The following ACOX3 variants were observed in gnomAD, a reference collection of about 807,000 sequenced individuals.
The protein encoded by ACOX3 is peroxisomal acyl-coenzyme A oxidase 3.
A neutral mutation model predicts 81.5 loss-of-function variants in ACOX3; 73 were observed. The ratio of observed to expected loss-of-function variants is 0.90; its 90% confidence interval spans 0.74 to 1.09. ACOX3 has a LOEUF of 1.09. Ranked by LOEUF, ACOX3 falls within the 50% of genes least tolerant of loss-of-function variation. The pLI, the probability that ACOX3 is intolerant of heterozygous loss-of-function variation, is 0.00. For missense variants in ACOX3, 947 were observed against 928.0 expected (o/e 1.02, Z -0.27); for synonymous variants, 387 against 375.1 (o/e 1.03, Z -0.37).
chr4:8,382,249 G>A lies in ACOX3; in HGVS notation c.1538-642C>T, dbSNP rs1717750878. ...CCGGGGTGGGGTGTCAGGCAGGACA[G>A]CTGGAGACCCCCCTTCGTCCTCCCC... On this transcript the variant is annotated intron_variant, in intron 13 of 17. Coordinates refer to ENST00000356406, the MANE Select transcript of ACOX3 (RefSeq NM_003501.3). This position sits in a 1 kb window ranked among gnomAD's most constrained non-coding sequence, Gnocchi z 4.1. 6.6e-6 allele frequency among the ~76,000 whole-genome samples: 1 copy of A among 152,218 alleles called. No homozygotes were observed. Among genetic ancestry groups the A allele is most frequent in the Non-Finnish European group, 1.5e-5 (1 of 68,022 alleles).
intron 14 of ACOX3, among the ~76,000 whole-genome samples, chr4:8,377,837 C>T (rs1717161448): frequency 6.6e-6 from 1 of 152,292 alleles, no homozygotes; most frequent in African/African-American, 2.4e-5. Context: ...AGGTGCAGTC[C>T]CTCCCCCACG....
intron 1 of ACOX3, among the ~76,000 whole-genome samples, chr4:8,434,713 G>A (rs543736254): frequency 7.9e-5 from 12 of 152,362 alleles, no homozygotes; most frequent in East Asian, 3.9e-4. Context: ...CACCCATGGC[G>A]TGCCTGTACC....
rs769087705 is a variant in ACOX3, at chr4:8,416,457, T to A, written c.65A>T (p.Asp22Val). ...LLPEFPRGPL[D>V]AYRARASFSW... Reference sequence around the variant, plus strand: ...GAAGGACGCTCTTGCTCGGTAGGCATCGAGGGGCCCCCTGGGGAATTCTGG... The same window carrying A: ...GAAGGACGCTCTTGCTCGGTAGGCAACGAGGGGCCCCCTGGGGAATTCTGG... Residue 22 changes from aspartate to valine, a missense_variant, in exon 2 of 18, where the codon GAT becomes GTT. Transcript: ENST00000356406. This position sits in a 1 kb window ranked among gnomAD's most constrained non-coding sequence, Gnocchi z 4.2. 3 of 1,614,126 alleles carry A rather than the reference T, an allele frequency of 1.9e-6. No individual in the cohort carries two copies. The African/African-American group carries it at 4.0e-5, about 22-fold the overall frequency.
intron 1 of ACOX3, among the ~76,000 whole-genome samples, chr4:8,435,304 T>A (rs762379618): frequency 3.3e-5 from 5 of 152,090 alleles, no homozygotes; most frequent in Admixed American, 1.3e-4. Context: ...TCCTGACTAA[T>A]AGGGTGAAAC....
At chr4:8,402,711 C>G (rs113032819) in intron 7 of ACOX3, among the ~76,000 whole-genome samples, 1 of 152,136 alleles carries the variant, frequency 6.6e-6, no homozygotes, top group African/African-American at 2.4e-5. Flanking sequence ...CAGCGGGAGA[C>G]GTGTGCGTGT....
Position 8,382,719 on chromosome 4 carries a change from G to A in ACOX3, c.1538-1112C>T, listed in dbSNP as rs957765214. ...AAGAAAATACCCAACGTTGCTGGGC[G>A]CAGTGGCTCACACCTGTAATCCCAG... On this transcript the variant is annotated intron_variant, in intron 13 of 17. Coordinates refer to ENST00000356406, the MANE Select transcript of ACOX3 (RefSeq NM_003501.3). The surrounding 1 kb of genome is among the most constrained non-coding windows in gnomAD (Gnocchi z 4.1). 2.0e-5 allele frequency among the ~76,000 whole-genome samples: 3 copies of A among 152,070 alleles called. No individual in the cohort carries two copies. Among genetic ancestry groups the A allele is most frequent in the African/African-American group, 7.2e-5 (3 of 41,412 alleles).
intron 11 of ACOX3, among the ~76,000 whole-genome samples, chr4:8,391,688 G>A (rs1719013539): frequency 6.6e-6 from 1 of 152,178 alleles, no homozygotes; most frequent in Non-Finnish European, 1.5e-5. Flanking sequence ...AACCTATGTT[G>A]TGGGTACACT....
chr4:8,358,677 A>G, the ACOX3 span, among the ~76,000 whole-genome samples: 2 of 152,326 alleles, frequency 1.3e-5, no homozygotes, highest in African/African-American at 2.4e-5. Flanking sequence ...TGGCCACAAG[A>G]GTGACCTCTG....
chr4:8,359,192 C>G, the ACOX3 span, among the ~76,000 whole-genome samples: 5 of 152,272 alleles, frequency 3.3e-5, no homozygotes, highest in East Asian at 9.7e-4. The surrounding 1 kb of genome is among the most constrained non-coding windows in gnomAD (Gnocchi z 6.0). Context: ...TCTGGTGAAT[C>G]ATGGAAGGGA....
At chr4:8,356,816 A>C in the ACOX3 span, 1 of 456,418 alleles carries the variant, frequency 2.2e-6, no homozygotes, top group Non-Finnish European at 4.4e-6. Context: ...GTGCATGCTA[A>C]GATGATCCCA....
chr4:8,372,004 C>G (rs1716276401), intron 16 of ACOX3, among the ~76,000 whole-genome samples: 1 of 152,266 alleles, frequency 6.6e-6, no homozygotes, highest in Admixed American at 6.5e-5. Flanking sequence ...CCTGGCTGAC[C>G]TTGGCCTCCC....
chr4:8,370,979 C>G lies in ACOX3; in HGVS notation c.1912G>C (p.Val638Leu). Residue 638 changes from valine to leucine, a missense_variant, in exon 17 of 18, where the codon GTT (valine) becomes CTT (leucine). Physicochemically the swap from Val to Leu is conservative, Grantham distance 32. Transcript: ENST00000356406. The surrounding 1 kb of genome is among the most constrained non-coding windows in gnomAD (Gnocchi z 6.3). Reference protein sequence around the residue: ...ALCSQLKDDAVALVDVIAPPD... With the variant: ...ALCSQLKDDALALVDVIAPPD... ...GGAGCGATCACGTCTACCAGGGCAA[C>G]TGCATCGTCTTTCAGCTGTTGGAAA... 2.5e-6 allele frequency: 4 copies of G among 1,614,114 alleles called. No individual in the cohort carries two copies. The highest frequency in any genetic ancestry group is 2.5e-6 in the Non-Finnish European group (3 of 1,180,018).
At position 8,389,135 on chromosome 4, in the gene ACOX3, A is replaced by G; in HGVS notation, c.1537+38T>C. On this transcript the variant is annotated intron_variant, in intron 13 of 17. Coordinates refer to ENST00000356406, the MANE Select transcript of ACOX3 (RefSeq NM_003501.3). This position sits in a 1 kb window ranked among gnomAD's most constrained non-coding sequence, Gnocchi z 5.3. Reference sequence around the variant, plus strand: ...CGTTTCCTGGTGGGAATGACAGGAAATCAGGAGGCCAGGGGAGCCCTCCAC... The same window carrying G: ...CGTTTCCTGGTGGGAATGACAGGAAGTCAGGAGGCCAGGGGAGCCCTCCAC... The G allele has an allele frequency of 6.4e-7, 1 of 1,563,062 alleles. No individual in the cohort carries two copies. The highest frequency in any genetic ancestry group is 8.8e-7 in the Non-Finnish European group (1 of 1,136,298).
At chr4:8,438,795 C>T (rs941078641) in intron 1 of ACOX3, 2 of 152,174 alleles carry the variant, frequency 1.3e-5, no homozygotes, top group Admixed American at 1.3e-4. Flanking sequence ...GTCTTAGATC[C>T]ATCACAGTCA....
At chr4:8,360,002 C>T in the ACOX3 span, among the ~76,000 whole-genome samples, 1 of 152,188 alleles carries the variant, frequency 6.6e-6, no homozygotes, top group Admixed American at 6.5e-5. Context: ...TTTAAGCCTG[C>T]TTTTCAAGAC....
In ACOX3 at chr4:8,405,814, G is replaced by T; in HGVS notation, c.776+141C>A. The T allele has an allele frequency of 1.2e-6, 1 of 843,622 alleles. No individual in the cohort carries two copies. The highest frequency in any genetic ancestry group is 2.0e-6 in the Non-Finnish European group (1 of 510,056). 52.3% of individuals were successfully genotyped at this position (843,622 alleles called of 1,614,324 possible). On this transcript the variant is annotated intron_variant, in intron 7 of 17. Transcript: ENST00000356406. The surrounding 1 kb of genome is among the most constrained non-coding windows in gnomAD (Gnocchi z 7.1). The stretch of plus-strand genomic sequence containing the variant: ...GGACGTGGCCAGTGCATGCACGGGG[G>T]CTAGGCGTAGGTCCCCACCGCATTT...
chr4:8,361,425 C>CAAAAAAAAAAAAAA (rs56251372), downstream of ACOX3, among the ~76,000 whole-genome samples: 22 of 39,026 alleles, frequency 5.6e-4, no homozygotes, highest in African/African-American at 1.1e-3. Flanking sequence ...GACTCTATCT[C>CAAAAAAAAAAAAAA]AAAAAAAAAA....
Position 8,414,287 on chromosome 4 carries a change from C to A in ACOX3, c.543+5G>T, listed in dbSNP as rs1404979653. The A allele has an allele frequency of 6.2e-7, 1 of 1,612,440 alleles. No homozygotes were observed. The highest frequency in any genetic ancestry group is 1.7e-5 in the Admixed American group (1 of 60,008). On this transcript the variant is annotated splice_donor_5th_base_variant and intron_variant, in intron 5 of 17. Transcript: ENST00000356406. The surrounding 1 kb of genome is among the most constrained non-coding windows in gnomAD (Gnocchi z 6.1). ...CTCAGGGACCCGGGGGAAGGTAATA[C>A]CTACCTCAGTGGCAGGATCGTAGTG...
At position 8,369,009 on chromosome 4, in the gene ACOX3, C is replaced by A. The variant is rs144515584; in HGVS notation, c.1983+1899G>T. Reference sequence around the variant, plus strand: ...ATGCACGTTTAATAAACCATCCTGCCAGCGACACCTCCAGCTGGCTCTGGT... The same window carrying A: ...ATGCACGTTTAATAAACCATCCTGCAAGCGACACCTCCAGCTGGCTCTGGT... On this transcript the variant is annotated intron_variant, in intron 17 of 17. Transcript: ENST00000356406. 1.8e-3 allele frequency among the ~76,000 whole-genome samples: 280 copies of A among 152,272 alleles called. 1 individual carries two copies. Among genetic ancestry groups the A allele is most frequent in the African/African-American group, 6.4e-3 (265 of 41,538 alleles).
Sources: gnomAD v4.1 joint callset for allele counts (sites outside exome capture counted in the v4.1 genomes callset) on GRCh38, gnomAD v4.1.1 for gene constraint, Gnocchi (gnomAD v3.1) non-coding constraint, MANE v1.5 for transcripts, NCBI Gene and HGNC (gene_info 2026-07-23, HGNC 2026-07-21) for gene names.